Variants in EPHB1 observed in about 807,000 individuals in gnomAD.
The protein encoded by EPHB1 is EPH receptor B1.
In EPHB1, 30 loss-of-function variants were observed where a neutral mutation model predicts 94.4. The ratio of observed to expected loss-of-function variants is 0.32; its 90% CI spans 0.24 to 0.43. The LOEUF is 0.43. Ranked by LOEUF, EPHB1 falls within the 20% of genes least tolerant of loss-of-function variation. The pLI is 1.00. For synonymous variants in EPHB1, 522 were observed against 489.1 expected, an observed-to-expected ratio of 1.07 and a Z score of -0.89; for missense variants, 1,055 against 1,308.3, an observed-to-expected ratio of 0.81 and a Z score of 2.99.
intron 3 of EPHB1, among the ~76,000 whole-genome samples, chr3:135,059,860 G>C (rs1424870925): frequency 6.6e-6 from 1 of 152,114 alleles, no homozygotes; most frequent in Non-Finnish European, 1.5e-5. Context: ...GCCCGTTTGG[G>C]CCTCAGCGTG....
At chr3:135,191,281 G>A (rs1015595482) in intron 10 of EPHB1, among the ~76,000 whole-genome samples, 1 of 152,138 alleles carries the variant, frequency 6.6e-6, no homozygotes, top group African/African-American at 2.4e-5. Flanking sequence ...TCCAGCCCCA[G>A]GTTCTATCAA....
At chr3:134,805,458 G>A (rs1283193688) in intron 1 of EPHB1, among the ~76,000 whole-genome samples, 2 of 152,122 alleles carry the variant, frequency 1.3e-5, no homozygotes, top group East Asian at 3.9e-4. Flanking sequence ...CACACCACAG[G>A]TGTGAATCCG....
At chr3:135,036,211 G>C (rs1936642616) in intron 3 of EPHB1, among the ~76,000 whole-genome samples, 1 of 152,206 alleles carries the variant, frequency 6.6e-6, no homozygotes, top group Non-Finnish European at 1.5e-5. Flanking sequence ...CAAGGCCGTT[G>C]AGACGCTATC....
chr3:135,077,692 T>C (rs1395153489), intron 3 of EPHB1, among the ~76,000 whole-genome samples: 1 of 152,162 alleles, frequency 6.6e-6, no homozygotes, highest in African/African-American at 2.4e-5. Flanking sequence ...GATGCATACA[T>C]GGCACATCCT....
intron 12 of EPHB1, among the ~76,000 whole-genome samples, chr3:135,230,627 A>C (rs1269137488): frequency 6.6e-6 from 1 of 152,154 alleles, no homozygotes; most frequent in African/African-American, 2.4e-5. Context: ...TAGATACACG[A>C]GGTACATGTG....
rs116283698 is a variant in EPHB1, at chr3:134,802,597, G to A, written c.58+6908G>A. Among the ~76,000 whole-genome samples, 647 of 152,246 alleles carry A rather than the reference G, an allele frequency of 4.2e-3. 2 individuals carry two copies. The highest frequency in any genetic ancestry group is 0.014 in the South Asian group (68 of 4,806). The stretch of plus-strand genomic sequence containing the variant: ...CTCCATGAGGAAGACTGTATTCTAG[G>A]GACCTCCCACTGGCCAGCAGCAGGC... On this transcript the variant is annotated intron_variant, in intron 1 of 15. Coordinates refer to ENST00000398015, the MANE Select transcript of EPHB1 (RefSeq NM_004441.5).
intron 15 of EPHB1, among the ~76,000 whole-genome samples, chr3:135,253,299 C>A (rs1382036945): frequency 6.6e-6 from 1 of 151,392 alleles, no homozygotes; most frequent in Non-Finnish European, 1.5e-5. Flanking sequence ...TGCCTATGTC[C>A]TCAATGGTAA....
rs540280889 is a variant in EPHB1, at chr3:135,257,248, C to T, written c.2847-1764C>T. Among the ~76,000 whole-genome samples, 826 of 152,278 alleles carry T rather than the reference C, an allele frequency of 5.4e-3. 7 individuals are homozygous for T. The highest frequency in any genetic ancestry group is 0.018 in the African/African-American group (742 of 41,544). Reference sequence around the variant, plus strand: ...AGTCATTCTCCATCCAGCTTTGTTCCGTTGCTGGTGAGGAACTGCGTTCCT... The same window carrying T: ...AGTCATTCTCCATCCAGCTTTGTTCTGTTGCTGGTGAGGAACTGCGTTCCT... On this transcript the variant is annotated intron_variant, in intron 15 of 15. Coordinates refer to ENST00000398015, the MANE Select transcript of EPHB1 (RefSeq NM_004441.5).
chr3:135,086,200 C>A (rs973326893), intron 3 of EPHB1, among the ~76,000 whole-genome samples: 1 of 152,004 alleles, frequency 6.6e-6, no homozygotes, highest in African/African-American at 2.4e-5. Context: ...GCAGCCCCTT[C>A]CAGGACCGAG....
rs1100569 is a variant in EPHB1 at position 135,004,171 on chromosome 3, C to G, written c.805+52119C>G. The stretch of plus-strand genomic sequence containing the variant: ...CAGGCCTGGTGGTGACAAAATCTCT[C>G]AGCATTTGCTTGTCTGTAAAGTATT... On this transcript the variant is annotated intron_variant, in intron 3 of 15. Coordinates refer to ENST00000398015, the MANE Select transcript of EPHB1 (RefSeq NM_004441.5). Among the ~76,000 whole-genome samples the G allele has an allele frequency of 3.3e-3, 503 of 151,966 alleles. 3 individuals are homozygous for G. Among genetic ancestry groups the G allele is most frequent in the African/African-American group, 0.012 (481 of 41,316 alleles).
intron 3 of EPHB1, chr3:134,978,145 C>A (rs1466567218): frequency 2.8e-5 from 10 of 362,370 alleles, no homozygotes; most frequent in Non-Finnish European, 4.2e-5. Context: ...AGAAGCCCTC[C>A]ACTCCTGCAA....
At chr3:135,186,538 T>A (rs1161915500) in intron 10 of EPHB1, among the ~76,000 whole-genome samples, 1 of 152,224 alleles carries the variant, frequency 6.6e-6, no homozygotes, top group Non-Finnish European at 1.5e-5. Context: ...AACTAGAAGC[T>A]CTGCTTTCCT....
In EPHB1 at chr3:135,091,333, C is replaced by A. The variant is rs532262898; in HGVS notation, c.806-15115C>A. On this transcript the variant is annotated intron_variant, in intron 3 of 15. Transcript: ENST00000398015. ...ATGACTTGTTCTGGTTCACCTGCAC[C>A]TCTGGCCAAGTCATTGCCTTCTCTG... 1.7e-4 allele frequency among the ~76,000 whole-genome samples: 26 copies of A among 152,308 alleles called. No individual in the cohort carries two copies. In the South Asian group the frequency reaches 5.4e-3, roughly 32 times the overall value.
At chr3:134,983,925 C>G (rs776122649) in intron 3 of EPHB1, among the ~76,000 whole-genome samples, 70 of 152,220 alleles carry the variant, frequency 4.6e-4, no homozygotes, top group Non-Finnish European at 3.4e-4. Context: ...CGCAATTCAT[C>G]TGCAAAGTAG....
At chr3:135,241,424 G>A in intron 13 of EPHB1, 127 bp downstream of exon 13, 1 of 1,179,352 alleles carries the variant, frequency 8.5e-7, no homozygotes, top group South Asian at 1.4e-5. Flanking sequence ...TCAGGGTAGG[G>A]GATACAGGGA....
chr3:135,072,019 G>T (rs781178715), intron 3 of EPHB1, among the ~76,000 whole-genome samples: 8 of 152,098 alleles, frequency 5.3e-5, no homozygotes, highest in Non-Finnish European at 1.2e-4. Context: ...AGTTCCAGCT[G>T]CCATGTCTGT....
chr3:135,172,641 T>C (rs536817520), intron 9 of EPHB1, among the ~76,000 whole-genome samples: 1 of 152,318 alleles, frequency 6.6e-6, no homozygotes, highest in Non-Finnish European at 1.5e-5. Flanking sequence ...GCAGGTCAGG[T>C]GTGTCCCTGG....
intron 1 of EPHB1, among the ~76,000 whole-genome samples, chr3:134,901,863 C>T (rs2038210691): frequency 6.6e-6 from 1 of 152,168 alleles, no homozygotes; most frequent in Non-Finnish European, 1.5e-5. Flanking sequence ...GAACGCAGTA[C>T]CTGTAACTAC....
chr3:135,184,192 C>G (rs1415590494), intron 10 of EPHB1, among the ~76,000 whole-genome samples: 1 of 151,990 alleles, frequency 6.6e-6, no homozygotes, highest in African/African-American at 2.4e-5. Context: ...AGGCTGTGAT[C>G]AGAAATGAGG....
Sources: allele counts gnomAD v4.1 joint callset (sites outside exome capture counted in the v4.1 genomes callset), GRCh38; gene constraint gnomAD v4.1.1; transcripts MANE v1.5; gene names NCBI Gene and HGNC (gene_info 2026-07-23, HGNC 2026-07-21).